The following KPNA1 variants were observed in gnomAD, a reference collection of about 807,000 sequenced individuals.
KPNA1 encodes karyopherin subunit alpha 1, also known as importin subunit alpha-5.
KPNA1 carries 10 observed loss-of-function variants against 70.5 expected under a neutral mutation model. That is an observed-to-expected ratio of 0.14 (90% confidence interval 0.09 to 0.24). KPNA1 has a LOEUF of 0.24. Among genes scored for constraint, KPNA1 ranks in the 10% least tolerant of loss-of-function variants. KPNA1 has a pLI of 1.00. For synonymous variants in KPNA1, 192 were observed against 221.9 expected (o/e 0.87, Z 1.20); for missense variants, 397 against 637.9 (o/e 0.62, Z 4.07).
intron 12 of KPNA1, among the ~76,000 whole-genome samples, chr3:122,431,364 C>T (rs1163707161): frequency 1.5e-5 from 2 of 135,638 alleles, no homozygotes; most frequent in African/African-American, 5.0e-5. Context: ...TCCATGTTAG[C>T]TAGGCTGGTC....
rs1032661628 is a variant in KPNA1, at chr3:122,454,097, G to A, written c.433-96C>T. 7 of 834,036 alleles carry A rather than the reference G, an allele frequency of 8.4e-6. No individual in the cohort carries two copies. The African/African-American group carries it at 1.2e-4, about 15-fold the overall frequency. 51.7% of individuals were successfully genotyped at this position (834,036 alleles called of 1,614,324 possible). On this transcript the variant is annotated intron_variant, in intron 5 of 13. Transcript: ENST00000344337. ...TTTCTGTACATGAAAAAAAGATTCT[G>A]AGATCATTATTTGCACATAACCTAT...
intron 1 of KPNA1, among the ~76,000 whole-genome samples, chr3:122,501,118 T>C (rs2076824634): frequency 6.7e-6 from 1 of 148,972 alleles, no homozygotes; most frequent in South Asian, 2.2e-4. Flanking sequence ...AATCTCTGCC[T>C]CCCAGGTTCA....
intron 2 of KPNA1, among the ~76,000 whole-genome samples, chr3:122,474,062 T>G (rs761975564): frequency 2.6e-5 from 4 of 151,992 alleles, no homozygotes; most frequent in Non-Finnish European, 5.9e-5. Context: ...ACACCAGCAA[T>G]GAATAAAGGG....
chr3:122,489,305 T>G (rs952713625), intron 2 of KPNA1, among the ~76,000 whole-genome samples: 3 of 152,092 alleles, frequency 2.0e-5, no homozygotes, highest in African/African-American at 7.2e-5. Flanking sequence ...GTTTGTTTTT[T>G]TTTTAAGAGG....
intron 4 of KPNA1, among the ~76,000 whole-genome samples, chr3:122,462,238 GAAAT>G (rs1202208468): frequency 2.6e-5 from 4 of 151,660 alleles, no homozygotes; most frequent in East Asian, 1.9e-4. Context: ...AAAAAAAACA[GAAAT>G]AAAGCAAAGT....
intron 2 of KPNA1, among the ~76,000 whole-genome samples, chr3:122,469,952 T>A (rs1248410461): frequency 6.6e-6 from 1 of 152,148 alleles, no homozygotes; most frequent in East Asian, 1.9e-4. Context: ...AAATAAAGAT[T>A]TTTTTCAGAA....
chr3:122,467,301 GA>G lies in KPNA1; in HGVS notation c.237+20del. 1 of 1,324,490 alleles carries G rather than the reference GA, an allele frequency of 7.6e-7. No individual in the cohort carries two copies. The highest frequency in any genetic ancestry group is 1.1e-6 in the Non-Finnish European group (1 of 928,972). The allele number at this position is 1,324,490 out of a possible 1,614,324, so 82.0% of individuals were successfully genotyped here. A position where few individuals can be genotyped will look rare whatever the true frequency, so the allele number is the denominator to read the frequency against. On this transcript the variant is annotated intron_variant, in intron 3 of 13. Transcript: ENST00000344337. ...CTCATATCTTCATCACAAAAACACT[GA>G]AAAGAGTTCATTATCTTACTGGTGC...
chr3:122,509,459 C>T (rs540279983), intron 1 of KPNA1, among the ~76,000 whole-genome samples: 14 of 152,094 alleles, frequency 9.2e-5, no homozygotes, highest in African/African-American at 2.2e-4. Flanking sequence ...AGCAGAAAGG[C>T]AACTCAGGGA....
At chr3:122,469,668 C>G (rs1003437006) in intron 2 of KPNA1, among the ~76,000 whole-genome samples, 2 of 152,178 alleles carry the variant, frequency 1.3e-5, no homozygotes, top group Non-Finnish European at 2.9e-5. Flanking sequence ...AACAAAACCA[C>G]TGGAAGCCCA....
chr3:122,467,481 A>AT, intron 2 of KPNA1, 52 bp from the exon 3 acceptor site: 6 of 1,130,582 alleles, frequency 5.3e-6, no homozygotes, highest in Non-Finnish European at 7.8e-6. Context: ...AACACAAGGG[A>AT]GTTCAACATT....
At chr3:122,472,506 T>C (rs1460398186) in intron 2 of KPNA1, among the ~76,000 whole-genome samples, 1 of 140,994 alleles carries the variant, frequency 7.1e-6, no homozygotes, top group Non-Finnish European at 1.6e-5. Flanking sequence ...TAAAATCACC[T>C]AATCAATCAC....
At chr3:122,443,956 C>A (rs1040009961) in intron 9 of KPNA1, among the ~76,000 whole-genome samples, 1 of 152,162 alleles carries the variant, frequency 6.6e-6, no homozygotes, top group Non-Finnish European at 1.5e-5. Flanking sequence ...CTAGAATTCG[C>A]CAGGCTGGAA....
chr3:122,456,145 A>G (rs996146545), intron 5 of KPNA1, among the ~76,000 whole-genome samples: 7 of 152,228 alleles, frequency 4.6e-5, no homozygotes, highest in East Asian at 1.9e-4. Context: ...GAAATTTTAA[A>G]TAACAGTATG....
In KPNA1 at chr3:122,422,270, A is replaced by G. The variant is rs890032473; in HGVS notation, c.*4715T>C. The G allele has an allele frequency of 3.3e-5, 5 of 151,488 alleles. No homozygotes were observed. The highest frequency in any genetic ancestry group is 1.9e-4 in the East Asian group (1 of 5,176). 9.4% of individuals were successfully genotyped at this position (151,488 alleles called of 1,614,324 possible). A position where few individuals can be genotyped will look rare whatever the true frequency, so the allele number is the denominator to read the frequency against. ...CTTCAAAGCCTTTCCTTCCGTGTCA[A>G]TACTTTCCACATTTGTGCGTTTGAA... On this transcript the variant is annotated 3_prime_UTR_variant, in exon 14 of 14. Transcript: ENST00000344337.
At chr3:122,454,023 T>G in intron 5 of KPNA1, 22 bp from the exon 6 acceptor site, 3 of 1,502,014 alleles carry the variant, frequency 2.0e-6, no homozygotes, top group Non-Finnish European at 2.7e-6. Context: ...AAAATAATTT[T>G]CATTATCTTT....
At chr3:122,453,834 C>G in intron 6 of KPNA1, 36 bp downstream of exon 6, 1 of 1,572,768 alleles carries the variant, frequency 6.4e-7, no homozygotes, top group Non-Finnish European at 8.6e-7. Flanking sequence ...CAGCCAAAAA[C>G]TTTCTTTCAC....
intron 2 of KPNA1, among the ~76,000 whole-genome samples, chr3:122,471,272 G>C (rs1576318461): frequency 6.6e-6 from 1 of 152,074 alleles, no homozygotes; most frequent in African/African-American, 2.4e-5. Flanking sequence ...ATTTAGTCCC[G>C]CAATTCCTTG....
rs1051653314 is a variant in KPNA1 at position 122,424,124 on chromosome 3, C to A, written c.*2861G>T. On this transcript the variant is annotated 3_prime_UTR_variant, in exon 14 of 14. Transcript: ENST00000344337. ...ATGCTTTTTTTCCCCCACCAAAGTT[C>A]TCATTACAAATAATATAGATTGGAA... 8 of 152,112 alleles carry A rather than the reference C, an allele frequency of 5.3e-5. No individual in the cohort carries two copies. Among genetic ancestry groups the A allele is most frequent in the Admixed American group, 4.6e-4 (7 of 15,270 alleles). The allele number at this position is 152,112 out of a possible 1,614,324, so 9.4% of individuals were successfully genotyped here. A position where few individuals can be genotyped will look rare whatever the true frequency, so the allele number is the denominator to read the frequency against.
At chr3:122,504,644 G>A (rs572516643) in intron 1 of KPNA1, among the ~76,000 whole-genome samples, 1 of 152,292 alleles carries the variant, frequency 6.6e-6, no homozygotes, top group East Asian at 1.9e-4. Context: ...GTCTGTGTGT[G>A]TGTGCGTGTG....
Sources: allele counts gnomAD v4.1 joint callset (sites outside exome capture counted in the v4.1 genomes callset), GRCh38; gene constraint gnomAD v4.1.1; transcripts MANE v1.5; gene names NCBI Gene and HGNC (gene_info 2026-07-23, HGNC 2026-07-21).